TLL2: variants seen among roughly 807,000 people sequenced by gnomAD.
TLL2 encodes the protein tolloid-like protein 2.
Under a neutral mutation model 123.0 loss-of-function variants are expected in TLL2, and 106 were observed. That is an observed-to-expected ratio of 0.86 (90% CI 0.74 to 1.01). The LOEUF (loss-of-function observed/expected upper bound fraction) is 1.01, where lower values mean the gene tolerates loss of function less well. TLL2 is among the 50% of genes least tolerant of loss of function. The probability of loss-of-function intolerance (pLI) is 0.00; values close to 1 mark genes in which losing one functional copy is unlikely to be tolerated. For synonymous variants in TLL2, 494 were observed against 516.8 expected, an observed-to-expected ratio of 0.96 and a Z score of 0.60; for missense variants, 1,332 against 1,336.7, an observed-to-expected ratio of 1.00 and a Z score of 0.06.
chr10:96,405,776 C>T (rs1846443759), intron 9 of TLL2, among the ~76,000 whole-genome samples: 1 of 152,208 alleles, frequency 6.6e-6, no homozygotes, highest in Non-Finnish European at 1.5e-5. Context: ...CGATCAACCT[C>T]CCCTCAGCCA....
chr10:96,485,012 G>T (rs11188787), intron 1 of TLL2, among the ~76,000 whole-genome samples: 2,765 of 152,286 alleles, frequency 0.018, 70 homozygotes, highest in South Asian at 0.1. Flanking sequence ...CTAGGTCGGA[G>T]TTTCCCAGAT....
intron 19 of TLL2, 100 bp from the exon 20 acceptor site, chr10:96,370,415 G>A: frequency 1.4e-6 from 2 of 1,428,390 alleles, no homozygotes; most frequent in Non-Finnish European, 1.8e-6. Flanking sequence ...GTGCGTGCCT[G>A]GCAGGAGAGG....
At chr10:96,491,468 T>C (rs1356429799) in intron 1 of TLL2, among the ~76,000 whole-genome samples, 1 of 152,020 alleles carries the variant, frequency 6.6e-6, no homozygotes, top group Admixed American at 6.6e-5. Flanking sequence ...CTGACCCCAC[T>C]AGACCTTCAA....
rs764799868 is a variant in TLL2, at chr10:96,395,307, C to T, written c.1606G>A (p.Gly536Ser). Residue 536 changes from glycine (G) to serine (S), a missense_variant, in exon 13 of 21, where the codon GGC becomes AGC. Physicochemically the swap from Gly to Ser is moderately conservative, Grantham distance 56. Transcript: ENST00000357947. ...GGCTTCTCATAGCCACAAAAGTGGC[C>T]GATCAGGGCACTCTCTTCCGTGGGG... ...DGPTEESALI[G>S]HFCGYEKPED... The T allele has an allele frequency of 2.6e-5, 42 of 1,613,880 alleles. No individual in the cohort carries two copies. Among genetic ancestry groups the T allele is most frequent in the Non-Finnish European group, 3.3e-5 (39 of 1,179,992 alleles).
At chr10:96,410,203 G>C (rs569223893) in intron 9 of TLL2, among the ~76,000 whole-genome samples, 156 bp downstream of exon 9, 24 of 152,282 alleles carry the variant, frequency 1.6e-4, no homozygotes, top group Middle Eastern at 3.4e-3. Flanking sequence ...GAGAAGTCCA[G>C]AAATAATGAA....
At position 96,378,981 on chromosome 10, in the gene TLL2, T is replaced by C. The variant is rs1846162157; in HGVS notation, c.2306A>G (p.His769Arg). 4 of 1,614,054 alleles carry C rather than the reference T, an allele frequency of 2.5e-6. No individual in the cohort carries two copies. The highest frequency in any genetic ancestry group is 1.3e-5 in the African/African-American group (1 of 74,936). ...RNGYWLHENG[H>R]DCKEAGCAHK... Reference sequence around the variant, plus strand: ...TCCAGCCTCACCCTCTTTGCAGTCATGCCCATTCTCGTGGAGCCAGTAGCC... The same window carrying C: ...TCCAGCCTCACCCTCTTTGCAGTCACGCCCATTCTCGTGGAGCCAGTAGCC... Residue 769 changes from histidine to arginine, a missense_variant, in exon 17 of 21, where the codon CAT becomes CGT. Transcript: ENST00000357947.
rs10615764 is a variant in TLL2, at chr10:96,477,032, C to CTTT, written c.286+3314_286+3316dup. Among the ~76,000 whole-genome samples, 29 of 110,810 alleles carry CTTT rather than the reference C, an allele frequency of 2.6e-4. 2 individuals carry two copies. The highest frequency in any genetic ancestry group is 6.3e-4 in the East Asian group (2 of 3,196). 72.7% of individuals were successfully genotyped at this position (110,810 alleles called of 152,430 possible). A position where few individuals can be genotyped will look rare whatever the true frequency, so the allele number is the denominator to read the frequency against. On this transcript the variant is annotated intron_variant, in intron 2 of 20. Coordinates refer to ENST00000357947, the MANE Select transcript of TLL2 (RefSeq NM_012465.4). ...CTTTATACAATTATGAGCTACTGGA[C>CTTT]TTTTTTTTTTTTTTTTTTTTTTACA...
At chr10:96,457,479 T>C (rs1847028296) in intron 2 of TLL2, among the ~76,000 whole-genome samples, 2 of 152,214 alleles carry the variant, frequency 1.3e-5, no homozygotes, top group South Asian at 2.1e-4. Flanking sequence ...TAGCTGCTCC[T>C]TCCTTCACAG....
chr10:96,379,295 G>A (rs1183742465), intron 16 of TLL2, among the ~76,000 whole-genome samples: 1 of 152,150 alleles, frequency 6.6e-6, no homozygotes, highest in Non-Finnish European at 1.5e-5. Context: ...GCCCTGGTAT[G>A]TGTTGAATTC....
chr10:96,505,241 G>A (rs1488676286), intron 1 of TLL2, among the ~76,000 whole-genome samples: 2 of 152,134 alleles, frequency 1.3e-5, no homozygotes, highest in Non-Finnish European at 2.9e-5. Flanking sequence ...AAACCATCAG[G>A]TCTTGTGAGA....
chr10:96,371,320 CAAAAA>C (rs113456838), intron 19 of TLL2, among the ~76,000 whole-genome samples: 25 of 115,724 alleles, frequency 2.2e-4, no homozygotes, highest in African/African-American at 8.1e-4. Context: ...AACTCCGTAT[CAAAAA>C]AAAAAAAAAA....
At chr10:96,377,706 C>G (rs1027736335) in intron 17 of TLL2, among the ~76,000 whole-genome samples, 1 of 152,136 alleles carries the variant, frequency 6.6e-6, no homozygotes, top group African/African-American at 2.4e-5. Context: ...TGAGGAGGGC[C>G]GGGGGCAGGA....
intron 2 of TLL2, among the ~76,000 whole-genome samples, chr10:96,472,691 G>T (rs1255325615): frequency 1.3e-5 from 2 of 151,994 alleles, no homozygotes; most frequent in East Asian, 3.9e-4. Context: ...GAACCCAGGA[G>T]GTTGAGGCTG....
At position 96,480,428 on chromosome 10, in the gene TLL2, T is replaced by C; in HGVS notation, c.207A>G (p.Glu69=). The change falls in exon 2 of 21, where the codon GAA becomes GAG. Residue 69 remains glutamate (E), a synonymous_variant. Coordinates refer to ENST00000357947, the MANE Select transcript of TLL2 (RefSeq NM_012465.4). ...AVFWGDIALD[E]DDLKLFHIDK... ...CAATGTGAAACAGCTTCAAGTCATC[T>C]TCATCTAAGGCAATGTCTCCCCAAA... 1.2e-6 allele frequency: 2 copies of C among 1,614,224 alleles called. No individual in the cohort carries two copies. The highest frequency in any genetic ancestry group is 1.7e-6 in the Non-Finnish European group (2 of 1,180,030).
At chr10:96,481,300 C>A (rs930851841) in intron 1 of TLL2, among the ~76,000 whole-genome samples, 3 of 152,146 alleles carry the variant, frequency 2.0e-5, no homozygotes, top group Non-Finnish European at 4.4e-5. Flanking sequence ...GCATGTGACA[C>A]CACGCCTGGC....
At chr10:96,489,444 A>G (rs1329919994) in intron 1 of TLL2, among the ~76,000 whole-genome samples, 3 of 152,084 alleles carry the variant, frequency 2.0e-5, no homozygotes, top group Admixed American at 2.0e-4. Context: ...CAGGAGGATC[A>G]CTTGAATCCG....
At chr10:96,493,654 G>A (rs894727097) in intron 1 of TLL2, among the ~76,000 whole-genome samples, 3 of 152,116 alleles carry the variant, frequency 2.0e-5, no homozygotes, top group Non-Finnish European at 2.9e-5. Flanking sequence ...AGCACCCAGG[G>A]TGGAGAGGGT....
intron 8 of TLL2, among the ~76,000 whole-genome samples, chr10:96,412,426 A>G (rs925232463): frequency 6.6e-6 from 1 of 151,978 alleles, no homozygotes. Context: ...AGTACTAAAA[A>G]CTCAGCTGCC....
chr10:96,418,752 A>T (rs74846538), intron 7 of TLL2, among the ~76,000 whole-genome samples: 1,735 of 137,212 alleles, frequency 0.013, 34 homozygotes, highest in African/African-American at 0.053. Context: ...AATTTATAAA[A>T]TAATAATTAT....
Sources: gnomAD v4.1 joint callset for allele counts (sites outside exome capture counted in the v4.1 genomes callset) on GRCh38, gnomAD v4.1.1 for gene constraint, MANE v1.5 for transcripts, NCBI Gene and HGNC (gene_info 2026-07-23, HGNC 2026-07-21) for gene names.